The following DPP10 variants were observed in gnomAD, a reference collection of about 807,000 sequenced individuals.
DPP10 encodes dipeptidyl peptidase like 10, also known as inactive dipeptidyl peptidase 10.
A neutral mutation model predicts 120.9 loss-of-function variants in DPP10; 33 were observed. That is an observed-to-expected ratio of 0.27 (90% CI 0.21 to 0.37). DPP10 has a LOEUF of 0.37. DPP10 is among the 10% of genes least tolerant of loss of function. The pLI is 1.00. For missense variants in DPP10, 816 were observed against 942.8 expected, an observed-to-expected ratio of 0.87 and a Z score of 1.76; for synonymous variants, 337 against 326.1, an observed-to-expected ratio of 1.03 and a Z score of -0.36.
chr2:115,261,731 G>A (rs551353735), intron 1 of DPP10, among the ~76,000 whole-genome samples: 1 of 152,230 alleles, frequency 6.6e-6, no homozygotes, highest in South Asian at 2.1e-4. Context: ...TCACTCTTTT[G>A]TATCCTTTCT....
chr2:114,536,082 A>G (rs1311141565), intron 1 of DPP10, among the ~76,000 whole-genome samples: 1 of 152,126 alleles, frequency 6.6e-6, no homozygotes, highest in East Asian at 1.9e-4. Flanking sequence ...GGTTGGGCTC[A>G]GAGCCCCTTC....
chr2:115,791,123 T>C lies in DPP10; in HGVS notation c.1574T>C (p.Ile525Thr), dbSNP rs1232928178. 1 of 1,613,446 alleles carries C rather than the reference T, an allele frequency of 6.2e-7. No homozygotes were observed. The highest frequency in any genetic ancestry group is 1.3e-5 in the African/African-American group (1 of 74,894). The change falls in exon 18 of 26, where the codon ATC becomes ACC. Residue 525 changes from isoleucine (I) to threonine (T), a missense_variant. By Grantham distance (89) the Ile-to-Thr change is moderately conservative. Coordinates refer to ENST00000410059, the MANE Select transcript of DPP10 (RefSeq NM_020868.6). ...AGCAATTCTATGCTGAAGGAAGCTA[T>C]CCTGAAGAAGAAGATAGGAAAGCCA... ...LESNSMLKEAILKKKIGKPEI... is the reference protein window; with the variant it reads ...LESNSMLKEATLKKKIGKPEI...
At chr2:114,487,165 A>G (rs922209560) in intron 1 of DPP10, among the ~76,000 whole-genome samples, 6 of 152,202 alleles carry the variant, frequency 3.9e-5, no homozygotes, top group Non-Finnish European at 7.4e-5. Flanking sequence ...TTTGTTCCAT[A>G]TCTTGCCCTT....
At chr2:114,661,801 T>C (rs1332367158) in intron 1 of DPP10, among the ~76,000 whole-genome samples, 1 of 152,178 alleles carries the variant, frequency 6.6e-6, no homozygotes, top group African/African-American at 2.4e-5. Context: ...TGCACAGTGA[T>C]GGGGTTTTTG....
At chr2:114,564,898 GAT>G (rs1267468473) in intron 1 of DPP10, among the ~76,000 whole-genome samples, 1 of 152,130 alleles carries the variant, frequency 6.6e-6, no homozygotes. Context: ...GAGATTTAAA[GAT>G]CTTCACTCAC....
At chr2:114,732,731 C>T (rs1225129035) in intron 1 of DPP10, among the ~76,000 whole-genome samples, 1 of 152,086 alleles carries the variant, frequency 6.6e-6, no homozygotes, top group African/African-American at 2.4e-5. Flanking sequence ...ATTTGTTTTT[C>T]AATATAGATG....
rs528492912 is a variant in DPP10 at position 114,738,198 on chromosome 2, C to A, written c.60+295360C>A. Among the ~76,000 whole-genome samples, 4 of 152,296 alleles carry A rather than the reference C, an allele frequency of 2.6e-5. No individual in the cohort carries two copies. In the South Asian group the frequency reaches 8.3e-4, roughly 32 times the overall value. ...ATCACCTCCCACCAGGCCCCTCTTT[C>A]AACACATGGGGATTACAGTTGGACC... is the stretch of plus-strand genomic sequence containing the variant. On this transcript the variant is annotated intron_variant, in intron 1 of 25. Transcript: ENST00000410059.
chr2:115,093,384 CTG>C (rs1266334627), intron 1 of DPP10, among the ~76,000 whole-genome samples: 2 of 152,012 alleles, frequency 1.3e-5, no homozygotes, highest in Non-Finnish European at 2.9e-5. Flanking sequence ...AGAAACTACA[CTG>C]TGTTATTACT....
chr2:114,790,172 C>T (rs184894674), intron 1 of DPP10, among the ~76,000 whole-genome samples: 1 of 152,310 alleles, frequency 6.6e-6, no homozygotes, highest in African/African-American at 2.4e-5. Flanking sequence ...AGCTCAGCAA[C>T]AGAATATCCC....
At chr2:115,634,502 C>CTG (rs2086158696) in intron 5 of DPP10, among the ~76,000 whole-genome samples, 1 of 152,180 alleles carries the variant, frequency 6.6e-6, no homozygotes, top group Non-Finnish European at 1.5e-5. Context: ...GGGTCCACTC[C>CTG]AGACTCTATT....
intron 3 of DPP10, among the ~76,000 whole-genome samples, chr2:115,492,724 A>G (rs1473266224): frequency 1.3e-5 from 2 of 152,190 alleles, no homozygotes; most frequent in Non-Finnish European, 2.9e-5. Flanking sequence ...GATCGTTTCA[A>G]TTCTCAAAGG....
intron 1 of DPP10, among the ~76,000 whole-genome samples, chr2:114,906,847 G>A (rs1244743783): frequency 1.3e-5 from 2 of 152,012 alleles, no homozygotes; most frequent in Non-Finnish European, 2.9e-5. Context: ...TGGTGTCAAG[G>A]CCTCATAGAA....
chr2:115,312,363 G>T (rs568745629), intron 2 of DPP10, among the ~76,000 whole-genome samples: 1 of 152,180 alleles, frequency 6.6e-6, no homozygotes, highest in Admixed American at 6.5e-5. Flanking sequence ...CAGTGTAGTC[G>T]CATGGCCTTT....
At chr2:115,405,354 G>A (rs1339923486) in intron 3 of DPP10, among the ~76,000 whole-genome samples, 1 of 152,194 alleles carries the variant, frequency 6.6e-6, no homozygotes, top group Non-Finnish European at 1.5e-5. Context: ...CTGGGGTAGA[G>A]GAGGGGCTTC....
chr2:115,734,703 A>G (rs952664519), intron 8 of DPP10, among the ~76,000 whole-genome samples: 4 of 149,042 alleles, frequency 2.7e-5, no homozygotes, highest in South Asian at 2.1e-4. Flanking sequence ...TTTACACTCA[A>G]TTGGCCCTTA....
At position 115,368,035 on chromosome 2, in the gene DPP10, G is replaced by A. The variant is rs572262853; in HGVS notation, c.271+24123G>A. Among the ~76,000 whole-genome samples, 91 of 152,258 alleles carry A rather than the reference G, an allele frequency of 6.0e-4. 1 individual carries two copies. In the Middle Eastern group the frequency reaches 0.01, roughly 17 times the overall value. On this transcript the variant is annotated intron_variant, in intron 3 of 25. Coordinates refer to ENST00000410059, the MANE Select transcript of DPP10 (RefSeq NM_020868.6). Reference sequence around the variant, plus strand: ...AATTAGATAGCTAAAAGTCATCAGTGAATTCAGCACACCTTTATTTTAGCC... The same window carrying A: ...AATTAGATAGCTAAAAGTCATCAGTAAATTCAGCACACCTTTATTTTAGCC...
At chr2:115,825,628 A>T (rs1688232039) in intron 21 of DPP10, among the ~76,000 whole-genome samples, 1 of 152,180 alleles carries the variant, frequency 6.6e-6, no homozygotes, top group African/African-American at 2.4e-5. Flanking sequence ...TCCTATTCTG[A>T]AAGTCTTTAC....
chr2:115,231,164 A>G (rs1174215545), intron 1 of DPP10, among the ~76,000 whole-genome samples: 7 of 152,014 alleles, frequency 4.6e-5, no homozygotes, highest in Non-Finnish European at 1.0e-4. Context: ...ATTCTGTAGT[A>G]GAAAAAAAAT....
chr2:115,005,164 C>G (rs557056277), intron 1 of DPP10, among the ~76,000 whole-genome samples: 120 of 152,096 alleles, frequency 7.9e-4, no homozygotes, highest in Non-Finnish European at 1.5e-3. Context: ...GGTCCTCTCT[C>G]TTAGAAGGAA....
Sources: allele counts gnomAD v4.1 joint callset (sites outside exome capture counted in the v4.1 genomes callset), GRCh38; gene constraint gnomAD v4.1.1; transcripts MANE v1.5; gene names NCBI Gene and HGNC (gene_info 2026-07-23, HGNC 2026-07-21).